Variants in GPC6 observed in about 807,000 individuals in gnomAD.
GPC6 encodes the protein glypican-6.
Under a neutral mutation model 55.2 loss-of-function variants are expected in GPC6, and 14 were observed. The observed-to-expected ratio is 0.25, with a 90% CI of 0.17 to 0.40. The LOEUF (loss-of-function observed/expected upper bound fraction) is 0.40, where lower values mean the gene tolerates loss of function less well. Ranked by LOEUF, GPC6 falls within the 10% of genes least tolerant of loss-of-function variation. The pLI is 1.00. For missense variants in GPC6, 641 were observed against 708.5 expected (o/e 0.90, Z 1.08); for synonymous variants, 278 against 259.6 (o/e 1.07, Z -0.68).
intron 3 of GPC6, among the ~76,000 whole-genome samples, chr13:93,991,637 T>C (rs1881311924): frequency 6.6e-6 from 1 of 152,140 alleles, no homozygotes; most frequent in South Asian, 2.1e-4. Flanking sequence ...AGGGGCTGCT[T>C]CCAAGGATAT....
At chr13:93,735,081 A>G (rs564529657) in intron 2 of GPC6, among the ~76,000 whole-genome samples, 1 of 152,136 alleles carries the variant, frequency 6.6e-6, no homozygotes, top group Admixed American at 6.6e-5. Flanking sequence ...ATACATCTCA[A>G]TTGGTGATAA....
rs533966054 is a variant in GPC6, at chr13:93,446,349, C to T, written c.161-98914C>T. Among the ~76,000 whole-genome samples, 13 of 152,224 alleles carry T rather than the reference C, an allele frequency of 8.5e-5. 2 individuals are homozygous for T. Among genetic ancestry groups the T allele is most frequent in the African/African-American group, 3.1e-4 (13 of 41,534 alleles). ...CCTGAAAATTCAGCATCCCACGTGT[C>T]TTGCTGCACCACTGAGATCATCTTT... On this transcript the variant is annotated intron_variant, in intron 1 of 8. Coordinates refer to ENST00000377047, the MANE Select transcript of GPC6 (RefSeq NM_005708.5).
At chr13:93,813,918 T>C (rs576908122) in intron 2 of GPC6, among the ~76,000 whole-genome samples, 1 of 152,252 alleles carries the variant, frequency 6.6e-6, no homozygotes, top group Admixed American at 6.5e-5. Context: ...TGCAGTGGTA[T>C]ATAATTATTA....
At chr13:93,743,657 T>C (rs1884285905) in intron 2 of GPC6, among the ~76,000 whole-genome samples, 1 of 152,158 alleles carries the variant, frequency 6.6e-6, no homozygotes, top group Non-Finnish European at 1.5e-5. Flanking sequence ...TAATGGCTTC[T>C]AATATATTTA....
chr13:93,362,550 CATA>C (rs1052945327), intron 1 of GPC6, among the ~76,000 whole-genome samples: 1 of 152,092 alleles, frequency 6.6e-6, no homozygotes, highest in African/African-American at 2.4e-5. Flanking sequence ...TACTAAAAAA[CATA>C]ACTGTGAGAT....
intron 3 of GPC6, among the ~76,000 whole-genome samples, chr13:93,933,217 A>G (rs939272099): frequency 1.1e-4 from 17 of 151,988 alleles, no homozygotes; most frequent in Admixed American, 8.5e-4. Flanking sequence ...CCCAGGGGCC[A>G]TTTAGAAATG....
intron 4 of GPC6, among the ~76,000 whole-genome samples, chr13:94,040,875 T>C (rs796501106): frequency 6.6e-6 from 1 of 152,082 alleles, no homozygotes; most frequent in African/African-American, 2.4e-5. Flanking sequence ...GTGTCCTTAC[T>C]ACATTTCCTT....
intron 2 of GPC6, among the ~76,000 whole-genome samples, chr13:93,632,627 A>ATGTATATGTGTG (rs1879506573): frequency 9.0e-4 from 55 of 60,848 alleles, no homozygotes; most frequent in African/African-American, 1.4e-3. Flanking sequence ...GTATATATAT[A>ATGTATATGTGTG]TATATATATA....
chr13:93,429,041 C>T (rs1430119091), intron 1 of GPC6, among the ~76,000 whole-genome samples: 1 of 151,998 alleles, frequency 6.6e-6, no homozygotes, highest in Non-Finnish European at 1.5e-5. Flanking sequence ...TTAAACCTGG[C>T]CACCTTCTGT....
rs147995409 is a variant in GPC6 at position 93,592,498 on chromosome 13, C to T, written c.319+47077C>T. Among the ~76,000 whole-genome samples the T allele has an allele frequency of 4.3e-3, 648 of 150,336 alleles. 3 individuals are homozygous for T. The highest frequency in any genetic ancestry group is 0.021 in the Middle Eastern group (6 of 280). On this transcript the variant is annotated intron_variant, in intron 2 of 8. Coordinates refer to ENST00000377047, the MANE Select transcript of GPC6 (RefSeq NM_005708.5). The stretch of plus-strand genomic sequence containing the variant: ...TCTTCTGACCTAGTGATCCACCCAC[C>T]TCAGCCTCCCAAAGTGCTGGGATTA...
intron 4 of GPC6, among the ~76,000 whole-genome samples, chr13:94,031,264 A>G (rs1417577969): frequency 6.6e-6 from 1 of 152,190 alleles, no homozygotes; most frequent in Admixed American, 6.5e-5. Flanking sequence ...AAGAAACTCC[A>G]TTTTTACATG....
chr13:93,688,253 A>C (rs778462080), intron 2 of GPC6, among the ~76,000 whole-genome samples: 1 of 152,114 alleles, frequency 6.6e-6, no homozygotes, highest in Non-Finnish European at 1.5e-5. Context: ...CAGCTAAAGC[A>C]AGAAGTAAGA....
intron 6 of GPC6, among the ~76,000 whole-genome samples, chr13:94,358,918 A>G (rs1284284552): frequency 2.0e-5 from 3 of 152,228 alleles, no homozygotes; most frequent in Non-Finnish European, 4.4e-5. Flanking sequence ...TGTCAAGCGA[A>G]AGAGATTTCT....
chr13:93,259,708 A>AT (rs750686650), intron 1 of GPC6, among the ~76,000 whole-genome samples: 2 of 152,164 alleles, frequency 1.3e-5, no homozygotes, highest in African/African-American at 2.4e-5. Context: ...TAGCAAGTGA[A>AT]TATGCTAACC....
At chr13:94,004,887 C>T (rs1214849538) in intron 3 of GPC6, among the ~76,000 whole-genome samples, 1 of 152,028 alleles carries the variant, frequency 6.6e-6, no homozygotes. Context: ...CATGGTGAAA[C>T]ACCGTCTCCA....
At chr13:94,101,837 C>G (rs1004145932) in intron 4 of GPC6, among the ~76,000 whole-genome samples, 7 of 149,974 alleles carry the variant, frequency 4.7e-5, no homozygotes, top group Non-Finnish European at 8.9e-5. Flanking sequence ...TGCTCATATT[C>G]CAAATGCAGA....
At chr13:93,673,445 C>A (rs1387820159) in intron 2 of GPC6, among the ~76,000 whole-genome samples, 2 of 152,062 alleles carry the variant, frequency 1.3e-5, no homozygotes, top group African/African-American at 4.8e-5. Flanking sequence ...ACTGGAAGGT[C>A]AAAGCTACAG....
chr13:93,918,253 T>C (rs1450247284), intron 3 of GPC6, among the ~76,000 whole-genome samples: 1 of 152,174 alleles, frequency 6.6e-6, no homozygotes, highest in Non-Finnish European at 1.5e-5. Context: ...GTAGCATGAC[T>C]TCAAGATTTA....
intron 4 of GPC6, among the ~76,000 whole-genome samples, chr13:94,271,429 T>C (rs558569400): frequency 5.9e-5 from 9 of 151,506 alleles, no homozygotes; most frequent in Non-Finnish European, 1.2e-4. Flanking sequence ...CCCACTTCTC[T>C]GAGACTTCTG....
Sources: allele counts gnomAD v4.1 joint callset (sites outside exome capture counted in the v4.1 genomes callset), GRCh38; gene constraint gnomAD v4.1.1; transcripts MANE v1.5; gene names NCBI Gene and HGNC (gene_info 2026-07-23, HGNC 2026-07-21).